Variants in CDH13 observed in about 807,000 individuals in gnomAD.
The protein encoded by CDH13 is cadherin-13.
Under a neutral mutation model 63.8 loss-of-function variants are expected in CDH13, and 24 were observed. The observed-to-expected ratio is 0.38, with a 90% CI of 0.27 to 0.53. The LOEUF is 0.53. CDH13 is among the 20% of genes least tolerant of loss of function. The pLI is 0.85. For missense variants in CDH13, 1,049 were observed against 903.1 expected (o/e 1.16, Z -2.07); for synonymous variants, 503 against 355.3 (o/e 1.42, Z -4.67).
At chr16:82,941,508 T>C (rs1008062536) in intron 2 of CDH13, among the ~76,000 whole-genome samples, 2 of 152,200 alleles carry the variant, frequency 1.3e-5, no homozygotes, top group African/African-American at 2.4e-5. Flanking sequence ...GTGTAGAAAA[T>C]AGCCCTTCCC....
intron 6 of CDH13, among the ~76,000 whole-genome samples, chr16:83,411,193 A>G (rs781032028): frequency 6.6e-5 from 10 of 152,240 alleles, no homozygotes; most frequent in Non-Finnish European, 1.3e-4. Context: ...GCCTGAAACA[A>G]TCACCCACTA....
At chr16:82,935,178 A>G (rs1180599417) in intron 2 of CDH13, among the ~76,000 whole-genome samples, 1 of 152,206 alleles carries the variant, frequency 6.6e-6, no homozygotes, top group Admixed American at 6.5e-5. Context: ...TGGATGGGGA[A>G]GCAAATACGT....
intron 6 of CDH13, among the ~76,000 whole-genome samples, chr16:83,373,059 C>T (rs2091400847): frequency 6.6e-6 from 1 of 152,076 alleles, no homozygotes; most frequent in South Asian, 2.1e-4. Context: ...ATCTCTATCA[C>T]CAGTTTTAAA....
Position 82,968,005 on chromosome 16 carries a change from G to A in CDH13, c.158-64005G>A, listed in dbSNP as rs1238285472. 3.9e-5 allele frequency among the ~76,000 whole-genome samples: 6 copies of A among 152,150 alleles called. No individual in the cohort carries two copies. The East Asian group carries it at 1.2e-3, about 29-fold the overall frequency. ...CCACCAAAAAATATTTTACCATTAT[G>A]GTTACCAAATGGCGATTCTCTAATG... On this transcript the variant is annotated intron_variant, in intron 2 of 13. Coordinates refer to ENST00000567109, the MANE Select transcript of CDH13 (RefSeq NM_001257.5).
intron 7 of CDH13, among the ~76,000 whole-genome samples, chr16:83,524,445 CTTTTTTTT>C (rs150233410): frequency 6.7e-5 from 4 of 59,278 alleles, no homozygotes; most frequent in Admixed American, 2.4e-4. Context: ...TTTCTTTTTT[CTTTTTTTT>C]TTTTTTTTTT....
intron 1 of CDH13, among the ~76,000 whole-genome samples, chr16:82,667,913 A>C (rs1236780162): frequency 6.6e-6 from 1 of 152,160 alleles, no homozygotes; most frequent in African/African-American, 2.4e-5. Flanking sequence ...GTTAAAGCCT[A>C]ATACAGTTTT....
chr16:83,271,618 C>T (rs12444181), intron 5 of CDH13, among the ~76,000 whole-genome samples: 84,300 of 150,828 alleles, frequency 0.56, 23,800 homozygotes, highest in East Asian at 0.77. Context: ...ATCATACAAC[C>T]GCTGGTTTCT....
chr16:83,046,907 G>A (rs1917839148), intron 3 of CDH13, among the ~76,000 whole-genome samples: 1 of 152,154 alleles, frequency 6.6e-6, no homozygotes, highest in African/African-American at 2.4e-5. Context: ...CTGGACATGA[G>A]ATCCAAGAGA....
intron 2 of CDH13, among the ~76,000 whole-genome samples, chr16:82,929,276 T>C (rs2042401217): frequency 6.6e-6 from 1 of 152,070 alleles, no homozygotes; most frequent in South Asian, 2.1e-4. Context: ...TCATTAGGAC[T>C]TTACTCTCAG....
intron 5 of CDH13, among the ~76,000 whole-genome samples, chr16:83,263,438 T>A (rs1158409773): frequency 2.6e-5 from 4 of 152,138 alleles, no homozygotes; most frequent in Non-Finnish European, 5.9e-5. Flanking sequence ...TTCTTCCTCT[T>A]GAGATATGCA....
At chr16:82,945,462 C>CA (rs112056916) in intron 2 of CDH13, among the ~76,000 whole-genome samples, 5 of 152,298 alleles carry the variant, frequency 3.3e-5, no homozygotes, top group African/African-American at 1.2e-4. Context: ...CTTTCCCTTA[C>CA]AGGGTGCTAA....
intron 11 of CDH13, among the ~76,000 whole-genome samples, chr16:83,756,941 C>T (rs536181383): frequency 6.6e-6 from 1 of 152,336 alleles, no homozygotes; most frequent in East Asian, 1.9e-4. Context: ...CATCAACTAA[C>T]ATATATAGAA....
chr16:83,375,390 C>G (rs1258754236), intron 6 of CDH13, among the ~76,000 whole-genome samples: 1 of 152,178 alleles, frequency 6.6e-6, no homozygotes, highest in Non-Finnish European at 1.5e-5. Context: ...TACAGTGACA[C>G]AGCTATCAGT....
At chr16:83,171,425 G>C in intron 4 of CDH13, 1 of 1,007,180 alleles carries the variant, frequency 9.9e-7, no homozygotes, top group African/African-American at 1.6e-5. Flanking sequence ...CATGAGATTT[G>C]GGTGAGGACA....
intron 7 of CDH13, among the ~76,000 whole-genome samples, chr16:83,507,775 T>G (rs1225923109): frequency 1.3e-5 from 2 of 152,086 alleles, no homozygotes; most frequent in African/African-American, 4.8e-5. Flanking sequence ...TGGCTCATGC[T>G]TGTAATCCCA....
intron 4 of CDH13, among the ~76,000 whole-genome samples, chr16:83,191,973 T>C (rs1010592729): frequency 6.6e-5 from 10 of 151,990 alleles, no homozygotes; most frequent in South Asian, 2.1e-4. Flanking sequence ...AACTCAATGA[T>C]AAAAAGAGAG....
chr16:82,691,463 C>T (rs1384896270), intron 1 of CDH13, among the ~76,000 whole-genome samples: 1 of 152,150 alleles, frequency 6.6e-6, no homozygotes, highest in Non-Finnish European at 1.5e-5. Context: ...TTTGGTGGGA[C>T]AATTCTGAGG....
intron 7 of CDH13, among the ~76,000 whole-genome samples, chr16:83,525,947 G>T (rs2074949827): frequency 6.6e-6 from 1 of 152,172 alleles, no homozygotes. Context: ...TGAAGAAATG[G>T]AGTTTCCCCT....
intron 1 of CDH13, among the ~76,000 whole-genome samples, chr16:82,686,376 A>G (rs1457577279): frequency 6.6e-6 from 1 of 152,204 alleles, no homozygotes; most frequent in Non-Finnish European, 1.5e-5. Context: ...CAATACACTT[A>G]TAAATGCAGA....
Sources: allele counts gnomAD v4.1 joint callset (sites outside exome capture counted in the v4.1 genomes callset), GRCh38; gene constraint gnomAD v4.1.1; transcripts MANE v1.5; gene names NCBI Gene and HGNC (gene_info 2026-07-23, HGNC 2026-07-21).